ERC2: variants seen among roughly 807,000 people sequenced by gnomAD.
The protein encoded by ERC2 is ERC protein 2.
In ERC2, 42 loss-of-function variants were observed where a neutral mutation model predicts 114.8. The observed-to-expected ratio is 0.37, with a 90% CI of 0.29 to 0.47. The LOEUF (loss-of-function observed/expected upper bound fraction) is 0.47. Among genes scored for constraint, ERC2 ranks in the 20% least tolerant of loss-of-function variants. The pLI is 0.99. For synonymous variants in ERC2, 454 were observed against 425.5 expected, an observed-to-expected ratio of 1.07 and a Z score of -0.82; for missense variants, 939 against 1,150.7, an observed-to-expected ratio of 0.82 and a Z score of 2.66.
At chr3:55,527,514 T>C (rs1215271943) in intron 17 of ERC2, among the ~76,000 whole-genome samples, 1 of 152,182 alleles carries the variant, frequency 6.6e-6, no homozygotes, top group Non-Finnish European at 1.5e-5. Flanking sequence ...TACCTTGATC[T>C]CAACTGACCG....
chr3:56,004,329 T>C (rs1184504070), intron 10 of ERC2, among the ~76,000 whole-genome samples: 1 of 152,106 alleles, frequency 6.6e-6, no homozygotes, highest in Non-Finnish European at 1.5e-5. Context: ...AGCACACTTA[T>C]AATTTGCAAT....
rs149449280 is a variant in ERC2 at position 56,052,671 on chromosome 3, T to C, written c.1641+28146A>G. Among the ~76,000 whole-genome samples, 62 of 152,202 alleles carry C rather than the reference T, an allele frequency of 4.1e-4. 1 individual carries two copies. The highest frequency in any genetic ancestry group is 1.4e-3 in the African/African-American group (60 of 41,514). On this transcript the variant is annotated intron_variant, in intron 7 of 17. Coordinates refer to ENST00000288221, the MANE Select transcript of ERC2 (RefSeq NM_015576.3). Reference sequence around the variant, plus strand: ...TAATAGTAACACCTATCCCAGAAGGTAGTTATCGCAGCTACAAGAGTTAAT... The same window carrying C: ...TAATAGTAACACCTATCCCAGAAGGCAGTTATCGCAGCTACAAGAGTTAAT...
At chr3:56,012,798 T>A (rs1468409230) in intron 8 of ERC2, among the ~76,000 whole-genome samples, 1 of 152,172 alleles carries the variant, frequency 6.6e-6, no homozygotes, top group South Asian at 2.1e-4. Flanking sequence ...GGGCCAGATG[T>A]CAAAAACATG....
chr3:55,716,958 C>T (rs1274666869), intron 15 of ERC2, among the ~76,000 whole-genome samples: 1 of 152,138 alleles, frequency 6.6e-6, no homozygotes, highest in Non-Finnish European at 1.5e-5. Flanking sequence ...AGATCAATGC[C>T]TCTCAAATGC....
At chr3:56,194,316 A>G (rs1235028218) in intron 3 of ERC2, among the ~76,000 whole-genome samples, 2 of 152,198 alleles carry the variant, frequency 1.3e-5, no homozygotes, top group East Asian at 1.9e-4. Flanking sequence ...ATTTGCAGAT[A>G]TAATTAAATT....
chr3:56,457,351 G>A (rs1341324748), intron 1 of ERC2, among the ~76,000 whole-genome samples: 1 of 152,148 alleles, frequency 6.6e-6, no homozygotes, highest in Non-Finnish European at 1.5e-5. Context: ...TATTAAGGCT[G>A]TATAAATTGT....
chr3:55,903,025 G>A (rs184284952), intron 13 of ERC2, among the ~76,000 whole-genome samples: 85 of 152,286 alleles, frequency 5.6e-4, no homozygotes, highest in Non-Finnish European at 9.7e-4. Flanking sequence ...CATCTGGGCA[G>A]AAACAAAACA....
chr3:56,118,286 T>G (rs2079363850), intron 6 of ERC2, among the ~76,000 whole-genome samples: 3 of 152,178 alleles, frequency 2.0e-5, no homozygotes, highest in Admixed American at 1.3e-4. Context: ...AATGGGATAC[T>G]TCTACCTCAG....
intron 14 of ERC2, among the ~76,000 whole-genome samples, chr3:55,821,397 C>T (rs1444803877): frequency 3.9e-5 from 6 of 152,322 alleles, no homozygotes; most frequent in Non-Finnish European, 7.3e-5. Context: ...TGATGAGAAT[C>T]GCTAGATGTG....
intron 17 of ERC2, among the ~76,000 whole-genome samples, chr3:55,534,334 T>G (rs1160546808): frequency 6.9e-6 from 1 of 145,396 alleles, no homozygotes; most frequent in African/African-American, 2.5e-5. Flanking sequence ...GAGGCTGAGA[T>G]GGGAGGACTG....
At chr3:55,798,458 C>T (rs1030029433) in intron 14 of ERC2, among the ~76,000 whole-genome samples, 3 of 151,956 alleles carry the variant, frequency 2.0e-5, no homozygotes, top group South Asian at 2.1e-4. Flanking sequence ...ATTAGCCAGG[C>T]GTGGTGGCAC....
intron 14 of ERC2, among the ~76,000 whole-genome samples, chr3:55,808,704 TATATATA>T (rs2059587294): frequency 4.8e-5 from 1 of 20,928 alleles, no homozygotes; most frequent in African/African-American, 2.1e-4. Context: ...CATAATTTTA[TATATATA>T]TATATATATA....
chr3:56,239,254 T>C (rs1160656142), intron 3 of ERC2, among the ~76,000 whole-genome samples: 1 of 151,976 alleles, frequency 6.6e-6, no homozygotes, highest in Non-Finnish European at 1.5e-5. Context: ...TGGTGGCTCA[T>C]GCCTGTAATC....
intron 7 of ERC2, among the ~76,000 whole-genome samples, chr3:56,041,439 G>A (rs2075186351): frequency 6.6e-6 from 1 of 152,162 alleles, no homozygotes; most frequent in East Asian, 1.9e-4. Context: ...ACTTCTGGCA[G>A]ATGTAAGACA....
intron 3 of ERC2, among the ~76,000 whole-genome samples, chr3:56,214,258 G>T (rs573285713): frequency 1.3e-5 from 2 of 152,046 alleles, no homozygotes; most frequent in African/African-American, 4.8e-5. Context: ...AAGATTAGAC[G>T]AATGGATAAC....
intron 17 of ERC2, among the ~76,000 whole-genome samples, chr3:55,649,405 C>T (rs1053153594): frequency 4.0e-5 from 6 of 151,808 alleles, no homozygotes; most frequent in African/African-American, 1.5e-4. Flanking sequence ...GGACTACAGG[C>T]GCGCACCACC....
At chr3:55,712,392 G>C (rs1341331528) in intron 15 of ERC2, among the ~76,000 whole-genome samples, 2 of 152,174 alleles carry the variant, frequency 1.3e-5, no homozygotes, top group Non-Finnish European at 2.9e-5. Context: ...AGGGGGGAAA[G>C]TGGTAGGTAG....
intron 17 of ERC2, among the ~76,000 whole-genome samples, chr3:55,526,520 G>A (rs917953872): frequency 3.3e-5 from 5 of 152,128 alleles, no homozygotes; most frequent in Admixed American, 6.5e-5. Context: ...GGCCCGCGTC[G>A]TGGCTCTCCC....
At chr3:55,872,552 TC>T (rs1425745775) in intron 14 of ERC2, among the ~76,000 whole-genome samples, 2 of 152,204 alleles carry the variant, frequency 1.3e-5, no homozygotes, top group Non-Finnish European at 2.9e-5. Context: ...GAAATAGTTC[TC>T]CAGAAATTTG....
Sources: allele counts gnomAD v4.1 joint callset (sites outside exome capture counted in the v4.1 genomes callset), GRCh38; gene constraint gnomAD v4.1.1; transcripts MANE v1.5; gene names NCBI Gene and HGNC (gene_info 2026-07-23, HGNC 2026-07-21).